PCGF5: variants seen among roughly 807,000 people sequenced by gnomAD.
PCGF5 encodes polycomb group RING finger protein 5.
In PCGF5, 9 loss-of-function variants were observed where a neutral mutation model predicts 44.3. The ratio of observed to expected loss-of-function variants is 0.20; its 90% CI spans 0.12 to 0.35. The LOEUF (loss-of-function observed/expected upper bound fraction) is 0.35. Ranked by LOEUF, PCGF5 falls within the 10% of genes least tolerant of loss-of-function variation. PCGF5 has a pLI of 1.00. For missense variants in PCGF5, 146 were observed against 305.3 expected (o/e 0.48, Z 3.89); for synonymous variants, 95 against 102.5 (o/e 0.93, Z 0.44).
At chr10:91,274,777 G>GCAACA (rs1564659370) in intron 9 of PCGF5, among the ~76,000 whole-genome samples, 1 of 152,142 alleles carries the variant, frequency 6.6e-6, no homozygotes, top group Non-Finnish European at 1.5e-5. Context: ...GAAGCCTGAG[G>GCAACA]CAACACACTG....
chr10:91,164,707 A>T (rs1843466578), intron 1 of PCGF5, among the ~76,000 whole-genome samples: 1 of 152,228 alleles, frequency 6.6e-6, no homozygotes, highest in South Asian at 2.1e-4. Flanking sequence ...CCCACCTCAC[A>T]TTAGTAAGAC....
rs186155691 is a variant in PCGF5, at chr10:91,243,982, C to G, written c.209+3402C>G. On this transcript the variant is annotated intron_variant, in intron 3 of 9. Transcript: ENST00000336126. ...CATTCAGCAAATATTTACTGGATGC[C>G]TGCTGTGTCTGGGCACTATTCTAGG... 2.4e-3 allele frequency among the ~76,000 whole-genome samples: 369 copies of G among 152,324 alleles called. 1 individual carries two copies. The highest frequency in any genetic ancestry group is 8.5e-3 in the African/African-American group (355 of 41,570).
chr10:91,245,027 A>C (rs1284846584), intron 3 of PCGF5, among the ~76,000 whole-genome samples: 1 of 152,176 alleles, frequency 6.6e-6, no homozygotes, highest in Admixed American at 6.5e-5. Flanking sequence ...TCAAACTGTA[A>C]GCAGGATGAG....
intron 1 of PCGF5, among the ~76,000 whole-genome samples, chr10:91,176,607 T>C (rs1589350719): frequency 6.6e-6 from 1 of 152,208 alleles, no homozygotes; most frequent in East Asian, 1.9e-4. Flanking sequence ...GCCTTGTTCA[T>C]TTCTTTTCAT....
intron 6 of PCGF5, among the ~76,000 whole-genome samples, chr10:91,258,569 G>T (rs991331633): frequency 2.6e-5 from 4 of 152,042 alleles, no homozygotes; most frequent in African/African-American, 9.7e-5. Flanking sequence ...CTTAACTGGG[G>T]CTTGTAAAAA....
chr10:91,271,660 C>T lies in PCGF5; in HGVS notation c.686C>T (p.Ala229Val). ...GENFRCLNCSASQVCSQDGPL... is the reference protein window; with the variant it reads ...GENFRCLNCSVSQVCSQDGPL... ...CAGTTTCGGTGTCTGAACTGCTCAG[C>T]TTCGCAAGTCTGCTCTCAGGATGGC... The change falls in exon 9 of 10, where the codon GCT becomes GTT. Residue 229 changes from alanine (A) to valine (V), a missense_variant. Transcript: ENST00000336126. The T allele has an allele frequency of 3.1e-6, 5 of 1,613,928 alleles. No homozygotes were observed. The highest frequency in any genetic ancestry group is 4.2e-6 in the Non-Finnish European group (5 of 1,179,894).
At chr10:91,264,406 A>G in intron 7 of PCGF5, 25 bp from the exon 8 acceptor site, 1 of 1,513,986 alleles carries the variant, frequency 6.6e-7, no homozygotes, top group South Asian at 1.3e-5. Context: ...TTATGTTAAT[A>G]GATCTATAAT....
At chr10:91,185,384 A>G (rs2133201069) in intron 1 of PCGF5, among the ~76,000 whole-genome samples, 1 of 152,296 alleles carries the variant, frequency 6.6e-6, no homozygotes, top group South Asian at 2.1e-4. Context: ...AACAGGAAAG[A>G]TGGCAGCCAC....
intron 7 of PCGF5, 37 bp downstream of exon 7, chr10:91,261,461 A>T (rs769940298): frequency 7.2e-7 from 1 of 1,384,426 alleles, no homozygotes; most frequent in Admixed American, 2.6e-5. Context: ...TCATTTTGAT[A>T]ATTCTGATTT....
chr10:91,259,876 A>G (rs918364609), intron 6 of PCGF5, among the ~76,000 whole-genome samples: 2 of 152,120 alleles, frequency 1.3e-5, no homozygotes, highest in Admixed American at 1.3e-4. Context: ...AAGAAAACCT[A>G]GGCAATACCA....
intron 1 of PCGF5, among the ~76,000 whole-genome samples, chr10:91,213,867 G>A (rs918068471): frequency 1.3e-5 from 2 of 152,108 alleles, no homozygotes; most frequent in African/African-American, 4.8e-5. Context: ...TGCCTGCTAT[G>A]GGTTGAATTG....
At chr10:91,230,722 G>A (rs1354504138) in intron 2 of PCGF5, among the ~76,000 whole-genome samples, 1 of 152,100 alleles carries the variant, frequency 6.6e-6, no homozygotes, top group African/African-American at 2.4e-5. Flanking sequence ...ACAGTCTCAA[G>A]CGATCTTCCT....
At chr10:91,248,879 A>T (rs1845544706) in intron 5 of PCGF5, among the ~76,000 whole-genome samples, 155 bp downstream of exon 5, 1 of 152,114 alleles carries the variant, frequency 6.6e-6, no homozygotes, top group South Asian at 2.1e-4. Context: ...TCTCTATATG[A>T]GATTTTATAT....
intron 2 of PCGF5, among the ~76,000 whole-genome samples, chr10:91,235,574 G>A (rs372484596): frequency 2.1e-4 from 32 of 151,962 alleles, no homozygotes; most frequent in African/African-American, 5.1e-4. Context: ...CATGGTGGCC[G>A]ATATGGTTTG....
At chr10:91,261,228 A>G (rs1589404796) in intron 6 of PCGF5, 98 bp from the exon 7 acceptor site, 2 of 1,319,110 alleles carry the variant, frequency 1.5e-6, no homozygotes, top group East Asian at 2.8e-5. Flanking sequence ...AAAAATACTC[A>G]AAATGATAGT....
intron 8 of PCGF5, among the ~76,000 whole-genome samples, chr10:91,264,795 A>G (rs934167892): frequency 7.2e-5 from 11 of 152,176 alleles, no homozygotes; most frequent in African/African-American, 2.4e-4. Context: ...AAAATGACAT[A>G]TTTTTTAAAC....
intron 1 of PCGF5, among the ~76,000 whole-genome samples, chr10:91,181,987 C>G (rs1306061951): frequency 6.6e-6 from 1 of 151,914 alleles, no homozygotes; most frequent in African/African-American, 2.4e-5. Context: ...TTGGTCTGTT[C>G]AGGAATTCAG....
intron 1 of PCGF5, among the ~76,000 whole-genome samples, chr10:91,221,081 A>G (rs934389664): frequency 2.5e-4 from 38 of 150,404 alleles, no homozygotes; most frequent in Non-Finnish European, 4.7e-4. Context: ...CCCCGGCCTG[A>G]GCAGCGCGCC....
chr10:91,248,844 CT>C, intron 5 of PCGF5, 120 bp downstream of exon 5: 2 of 801,620 alleles, frequency 2.5e-6, no homozygotes, highest in Non-Finnish European at 4.0e-6. Context: ...TTCATGCACC[CT>C]TTTATTTACA....
Sources: allele counts gnomAD v4.1 joint callset (sites outside exome capture counted in the v4.1 genomes callset), GRCh38; gene constraint gnomAD v4.1.1; transcripts MANE v1.5; gene names NCBI Gene and HGNC (gene_info 2026-07-23, HGNC 2026-07-21).